MCC: variants seen among roughly 807,000 people sequenced by gnomAD.
MCC encodes MCC regulator of Wnt signaling pathway.
MCC carries 90 observed loss-of-function variants against 116.2 expected under a neutral mutation model. The observed-to-expected ratio is 0.77, with a 90% CI of 0.65 to 0.92. The LOEUF (loss-of-function observed/expected upper bound fraction) is 0.92, where lower values mean the gene tolerates loss of function less well. MCC is among the 40% of genes least tolerant of loss of function. The pLI is 0.00. For missense variants in MCC, 1,516 were observed against 1,312.2 expected (o/e 1.16, Z -2.40); for synonymous variants, 578 against 510.5 (o/e 1.13, Z -1.78).
At position 113,340,662 on chromosome 5, in the gene MCC, C is replaced by A. The variant is rs767648161; in HGVS notation, c.484G>T (p.Val162Leu). The change falls in exon 3 of 19, where the codon GTG becomes TTG. Residue 162 changes from valine to leucine, a missense_variant. Physicochemically the swap from Val to Leu is conservative, Grantham distance 32. Transcript: ENST00000408903. The part of the protein sequence containing the change: ...SGARDLQSPD[V>L]QSQSALQKLL... The stretch of plus-strand genomic sequence containing the variant: ...TTCTGGAGGGCTGACTGGCTCTGCA[C>A]ATCCGGGCTCTGGAGGTCCCTGGCA... 6.2e-7 allele frequency: 1 copy of A among 1,614,026 alleles called. No individual in the cohort carries two copies. Among genetic ancestry groups the A allele is most frequent in the Non-Finnish European group, 8.5e-7 (1 of 1,180,024 alleles).
chr5:113,179,170 GAAT>G (rs746560526), intron 3 of MCC, among the ~76,000 whole-genome samples: 3 of 152,170 alleles, frequency 2.0e-5, no homozygotes, highest in Non-Finnish European at 4.4e-5. Context: ...GTAATGTTCA[GAAT>G]ATAAAGCCAG....
intron 3 of MCC, among the ~76,000 whole-genome samples, chr5:113,164,328 G>A (rs1760658467): frequency 6.6e-6 from 1 of 152,194 alleles, no homozygotes; most frequent in Non-Finnish European, 1.5e-5. Context: ...CTCTGAAATT[G>A]CCTCCTTGCA....
At chr5:113,360,849 G>T (rs566146705) in intron 2 of MCC, among the ~76,000 whole-genome samples, 1 of 152,134 alleles carries the variant, frequency 6.6e-6, no homozygotes, top group Non-Finnish European at 1.5e-5. Context: ...GAGTTGGCTG[G>T]ATGACCCAAT....
intron 3 of MCC, among the ~76,000 whole-genome samples, chr5:113,205,534 G>C (rs1762879763): frequency 6.6e-6 from 1 of 152,092 alleles, no homozygotes; most frequent in Non-Finnish European, 1.5e-5. Context: ...TATCTACCAG[G>C]GTCAACAGGA....
At position 113,470,624 on chromosome 5, in the gene MCC, T is replaced by C. The variant is rs1015605683; in HGVS notation, c.170+17621A>G. Among the ~76,000 whole-genome samples, 14 of 152,282 alleles carry C rather than the reference T, an allele frequency of 9.2e-5. 2 individuals are homozygous for C. The highest frequency in any genetic ancestry group is 9.2e-4 in the Admixed American group (14 of 15,290). On this transcript the variant is annotated intron_variant, in intron 1 of 18. Coordinates refer to ENST00000408903, the MANE Select transcript of MCC (RefSeq NM_001085377.2). ...CTGGCTGCCCTTAACATTTTTTCCTTCATTTCAACTCTGGTGAATCTGAGA... is the reference window on the plus strand; with the variant it reads ...CTGGCTGCCCTTAACATTTTTTCCTCCATTTCAACTCTGGTGAATCTGAGA...
At chr5:113,433,676 T>C in intron 1 of MCC, 1 of 1,545,952 alleles carries the variant, frequency 6.5e-7, no homozygotes, top group Non-Finnish European at 8.7e-7. Context: ...CACCCTTGAC[T>C]TCTTCAGAGC....
chr5:113,113,838 A>G (rs776064030), intron 6 of MCC, among the ~76,000 whole-genome samples: 1 of 152,112 alleles, frequency 6.6e-6, no homozygotes, highest in African/African-American at 2.4e-5. Flanking sequence ...GTCAAAAGAC[A>G]TGAAAACTAA....
intron 15 of MCC, among the ~76,000 whole-genome samples, chr5:113,051,524 G>C (rs1296792861): frequency 6.6e-6 from 1 of 152,132 alleles, no homozygotes; most frequent in Non-Finnish European, 1.5e-5. Flanking sequence ...TTTGAGACTG[G>C]CCTGGGCAAC....
At chr5:113,263,153 G>A (rs917708315) in intron 3 of MCC, among the ~76,000 whole-genome samples, 4 of 152,178 alleles carry the variant, frequency 2.6e-5, no homozygotes, top group Admixed American at 2.6e-4. Flanking sequence ...GCAGGAGAGT[G>A]CTGTTGTCTC....
chr5:113,340,530 G>A lies in MCC; in HGVS notation c.616C>T (p.Leu206=), dbSNP rs183815272. 2 of 1,614,094 alleles carry A rather than the reference G, an allele frequency of 1.2e-6. No individual in the cohort carries two copies. Among genetic ancestry groups the A allele is most frequent in the African/African-American group, 2.7e-5 (2 of 75,052 alleles). The change falls in exon 3 of 19, where the codon CTG becomes TTG. Residue 206 remains leucine (L), a synonymous_variant. Coordinates refer to ENST00000408903, the MANE Select transcript of MCC (RefSeq NM_001085377.2). ...CAAAAAGTACTCACTGTGTTGGCCAGCTCTAGATAGCTTCCTCCTACAGAG... is the reference window on the plus strand; with the variant it reads ...CAAAAAGTACTCACTGTGTTGGCCAACTCTAGATAGCTTCCTCCTACAGAG... ...GNSVGGSYLE[L]ANTLHSAALA...
At chr5:113,289,416 T>G (rs866755345) in intron 3 of MCC, among the ~76,000 whole-genome samples, 1 of 152,070 alleles carries the variant, frequency 6.6e-6, no homozygotes, top group Non-Finnish European at 1.5e-5. Context: ...GGAGTGGGTT[T>G]AAATTGGTTG....
rs543801886 is a variant in MCC at position 113,437,723 on chromosome 5, C to G, written c.170+50522G>C. Among the ~76,000 whole-genome samples the G allele has an allele frequency of 5.3e-5, 8 of 152,218 alleles. No homozygotes were observed. The South Asian group carries it at 1.7e-3, about 32-fold the overall frequency. On this transcript the variant is annotated intron_variant, in intron 1 of 18. Coordinates refer to ENST00000408903, the MANE Select transcript of MCC (RefSeq NM_001085377.2). ...GCAGTTTCTCCCACCCCCTTTTTGTCTTTTGATTCTTTAGATGCTTTAAAT... is the reference window on the plus strand; with the variant it reads ...GCAGTTTCTCCCACCCCCTTTTTGTGTTTTGATTCTTTAGATGCTTTAAAT...
intron 3 of MCC, among the ~76,000 whole-genome samples, chr5:113,293,965 G>A (rs1766611812): frequency 6.6e-6 from 1 of 152,066 alleles, no homozygotes; most frequent in Non-Finnish European, 1.5e-5. Flanking sequence ...AAACTCATCG[G>A]GAATGTCCGT....
rs1299622368 is a variant in MCC, at chr5:113,457,712, G to A, written c.170+30533C>T. On this transcript the variant is annotated intron_variant, in intron 1 of 18. Transcript: ENST00000408903. ...TCAAGGTTTGTAAACACACCAATCA[G>A]CACCCTGTGTCTAGCTCAGGGGTTG... Among the ~76,000 whole-genome samples, 4 of 145,778 alleles carry A rather than the reference G, an allele frequency of 2.7e-5. No homozygotes were observed. In the East Asian group the frequency reaches 8.0e-4, roughly 29 times the overall value.
intron 3 of MCC, among the ~76,000 whole-genome samples, chr5:113,226,474 G>T (rs1763746047): frequency 6.6e-6 from 1 of 152,198 alleles, no homozygotes; most frequent in East Asian, 1.9e-4. Context: ...TGGCACCCAC[G>T]CAAAGAACAA....
At chr5:113,363,293 A>C (rs1768594956) in intron 2 of MCC, among the ~76,000 whole-genome samples, 1 of 152,204 alleles carries the variant, frequency 6.6e-6, no homozygotes, top group African/African-American at 2.4e-5. Context: ...AAAAACAAAA[A>C]AACAAACAAA....
At chr5:113,327,545 C>CA (rs1189402090) in intron 3 of MCC, among the ~76,000 whole-genome samples, 619 of 57,130 alleles carry the variant, frequency 0.011, 14 homozygotes, top group South Asian at 0.021. Context: ...GACTCAGTCT[C>CA]AAAAAAAAAA....
At chr5:113,271,530 C>T (rs1032643092) in intron 3 of MCC, among the ~76,000 whole-genome samples, 1 of 152,156 alleles carries the variant, frequency 6.6e-6, no homozygotes, top group Non-Finnish European at 1.5e-5. Flanking sequence ...AGGGAGTAAC[C>T]ATCCAGGATT....
rs552588275 is a variant in MCC at position 113,319,724 on chromosome 5, T to C, written c.627+20795A>G. On this transcript the variant is annotated intron_variant, in intron 3 of 18. Transcript: ENST00000408903. The stretch of plus-strand genomic sequence containing the variant: ...AGCTAAAAATCTTACACAATGTTGA[T>C]GTCTAACAGCATTCAAACATGTTGG... 7.9e-5 allele frequency among the ~76,000 whole-genome samples: 12 copies of C among 152,354 alleles called. No individual in the cohort carries two copies. In the South Asian group the frequency reaches 1.9e-3, roughly 24 times the overall value.
Sources: gnomAD v4.1 joint callset for allele counts (sites outside exome capture counted in the v4.1 genomes callset) on GRCh38, gnomAD v4.1.1 for gene constraint, MANE v1.5 for transcripts, NCBI Gene and HGNC (gene_info 2026-07-23, HGNC 2026-07-21) for gene names.